The following DLGAP1 variants were observed in gnomAD, a reference collection of about 807,000 sequenced individuals.
The protein encoded by DLGAP1 is DLG associated protein 1.
DLGAP1 carries 11 observed loss-of-function variants against 90.8 expected under a neutral mutation model. The observed-to-expected ratio is 0.12, with a 90% CI of 0.08 to 0.20. The LOEUF is 0.20. DLGAP1 is among the 10% of genes least tolerant of loss of function. DLGAP1 has a pLI of 1.00. For synonymous variants in DLGAP1, 558 were observed against 540.7 expected (o/e 1.03, Z -0.44); for missense variants, 1,050 against 1,333.8 (o/e 0.79, Z 3.31).
chr18:3,788,958 T>G (rs2065592686), intron 5 of DLGAP1, among the ~76,000 whole-genome samples: 1 of 152,234 alleles, frequency 6.6e-6, no homozygotes, highest in African/African-American at 2.4e-5. Context: ...TACAGCTAAT[T>G]GTTTCATTTT....
At chr18:4,072,874 T>C (rs374177769) in intron 2 of DLGAP1, among the ~76,000 whole-genome samples, 3 of 152,186 alleles carry the variant, frequency 2.0e-5, no homozygotes, top group East Asian at 3.8e-4. Flanking sequence ...ACACCTTGAT[T>C]TGACAGATAA....
chr18:3,622,711 C>T (rs954041618), intron 7 of DLGAP1, among the ~76,000 whole-genome samples: 2 of 152,190 alleles, frequency 1.3e-5, no homozygotes, highest in Non-Finnish European at 2.9e-5. Context: ...ACTTGGCTAG[C>T]GGAAAGATAA....
intron 4 of DLGAP1, among the ~76,000 whole-genome samples, chr18:3,848,127 C>CAAAAAAAAAAAAAAAA (rs3862177): frequency 3.7e-4 from 12 of 32,078 alleles, no homozygotes; most frequent in Admixed American, 5.4e-4. Context: ...GGCCCCGTCT[C>CAAAAAAAAAAAAAAAA]AAAAAAAAAA....
intron 1 of DLGAP1, among the ~76,000 whole-genome samples, chr18:4,381,332 A>G (rs995079462): frequency 6.6e-6 from 1 of 152,204 alleles, no homozygotes; most frequent in Non-Finnish European, 1.5e-5. Context: ...GTGCATTTAC[A>G]TCATATAATA....
chr18:4,394,555 C>T (rs916176418), intron 1 of DLGAP1, among the ~76,000 whole-genome samples: 4 of 152,054 alleles, frequency 2.6e-5, no homozygotes, highest in African/African-American at 9.7e-5. Flanking sequence ...AAATAGAATG[C>T]CTCTAATCAC....
chr18:4,109,321 T>G lies in DLGAP1; in HGVS notation c.-159+41859A>C, dbSNP rs567831083. Among the ~76,000 whole-genome samples, 11 of 152,140 alleles carry G rather than the reference T, an allele frequency of 7.2e-5. No homozygotes were observed. The East Asian group carries it at 2.1e-3, about 29-fold the overall frequency. On this transcript the variant is annotated intron_variant, in intron 2 of 12. Coordinates refer to ENST00000315677, the MANE Select transcript of DLGAP1 (RefSeq NM_004746.4). ...ACTAAAATAATCAACTTTTTGCCAT[T>G]TAACATAACATAATTAAGGGAGTGA...
intron 1 of DLGAP1, among the ~76,000 whole-genome samples, chr18:4,239,808 A>G (rs779079300): frequency 2.6e-5 from 4 of 152,210 alleles, no homozygotes; most frequent in African/African-American, 4.8e-5. Context: ...GTTTACAAAG[A>G]GAGATTACTA....
intron 7 of DLGAP1, among the ~76,000 whole-genome samples, chr18:3,643,638 G>C (rs1195067183): frequency 1.4e-5 from 2 of 142,144 alleles, no homozygotes; most frequent in African/African-American, 5.4e-5. Context: ...ACTCCAGCCT[G>C]GGTGACAGAG....
At chr18:3,911,078 A>G (rs1240954357) in intron 3 of DLGAP1, among the ~76,000 whole-genome samples, 2 of 152,188 alleles carry the variant, frequency 1.3e-5, no homozygotes, top group Non-Finnish European at 2.9e-5. Flanking sequence ...CAAACAGAGC[A>G]AATTCCTGTT....
chr18:4,099,484 A>G (rs1443008957), intron 2 of DLGAP1, among the ~76,000 whole-genome samples: 2 of 152,180 alleles, frequency 1.3e-5, no homozygotes, highest in Non-Finnish European at 2.9e-5. Context: ...ACTGCACTGT[A>G]GTTTATTGAA....
rs574152629 is a variant in DLGAP1 at position 3,921,982 on chromosome 18, ACAGTTGCCGCCT to A, written c.-72-41854_-72-41843del. On this transcript the variant is annotated intron_variant, in intron 3 of 12. Coordinates refer to ENST00000315677, the MANE Select transcript of DLGAP1 (RefSeq NM_004746.4). ...TGGAAAATTATAGCATGAGAGCAGG[ACAGTTGCCGCCT>A]CAGACCTGAGGGGATGCCAACATTT... Among the ~76,000 whole-genome samples, 363 of 152,236 alleles carry A rather than the reference ACAGTTGCCGCCT, an allele frequency of 2.4e-3. 4 individuals are homozygous for A. The highest frequency in any genetic ancestry group is 7.8e-4 in the Non-Finnish European group (53 of 68,028).
chr18:3,590,579 G>T (rs1417313640), intron 7 of DLGAP1, among the ~76,000 whole-genome samples: 1 of 152,154 alleles, frequency 6.6e-6, no homozygotes, highest in Admixed American at 6.5e-5. Flanking sequence ...GTAGGGTCAG[G>T]TACGGTGGCC....
At chr18:4,376,721 T>C (rs903747794) in intron 1 of DLGAP1, among the ~76,000 whole-genome samples, 1 of 152,166 alleles carries the variant, frequency 6.6e-6, no homozygotes, top group Non-Finnish European at 1.5e-5. Flanking sequence ...TGGTCAGTGA[T>C]TCTTAATGGG....
At chr18:3,695,001 G>A (rs1567974726) in intron 7 of DLGAP1, among the ~76,000 whole-genome samples, 4 of 149,898 alleles carry the variant, frequency 2.7e-5, no homozygotes, top group South Asian at 4.2e-4. Context: ...GTGCGGTGGC[G>A]TGCTCTTGGC....
intron 3 of DLGAP1, among the ~76,000 whole-genome samples, chr18:3,944,272 T>G (rs889411439): frequency 6.6e-6 from 1 of 151,822 alleles, no homozygotes; most frequent in Non-Finnish European, 1.5e-5. Context: ...CTGAGGCGAG[T>G]GGATCATGGA....
chr18:4,080,644 G>A (rs1177126567), intron 2 of DLGAP1, among the ~76,000 whole-genome samples: 2 of 152,064 alleles, frequency 1.3e-5, no homozygotes, highest in African/African-American at 2.4e-5. Flanking sequence ...TTCTTTCTGC[G>A]GGCTGCTCCC....
At chr18:3,540,187 C>T (rs2052606942) in intron 9 of DLGAP1, among the ~76,000 whole-genome samples, 1 of 152,048 alleles carries the variant, frequency 6.6e-6, no homozygotes, top group Non-Finnish European at 1.5e-5. Context: ...TCAAGCTTGG[C>T]TGGGTGCAGT....
chr18:3,904,447 G>T (rs2071851379), intron 3 of DLGAP1, among the ~76,000 whole-genome samples: 1 of 152,202 alleles, frequency 6.6e-6, no homozygotes, highest in East Asian at 1.9e-4. Flanking sequence ...ATTCTTATGG[G>T]AGTCCTTAAG....
chr18:4,436,654 C>T (rs1040760150), intron 1 of DLGAP1, among the ~76,000 whole-genome samples: 34 of 152,198 alleles, frequency 2.2e-4, no homozygotes, highest in African/African-American at 7.5e-4. Flanking sequence ...CTAGATGATT[C>T]AATACATAGC....
Sources: allele counts gnomAD v4.1 joint callset (sites outside exome capture counted in the v4.1 genomes callset), GRCh38; gene constraint gnomAD v4.1.1; transcripts MANE v1.5; gene names NCBI Gene and HGNC (gene_info 2026-07-23, HGNC 2026-07-21).